DOCK5: variants seen among roughly 807,000 people sequenced by gnomAD.
DOCK5 encodes the protein dedicator of cytokinesis protein 5.
A neutral mutation model predicts 251.8 loss-of-function variants in DOCK5; 142 were observed. That is an observed-to-expected ratio of 0.56 (90% confidence interval 0.49 to 0.65). The LOEUF is 0.65. Among genes scored for constraint, DOCK5 ranks in the 30% least tolerant of loss-of-function variants. The pLI, the probability that DOCK5 is intolerant of heterozygous loss-of-function variation, is 0.00. For missense variants in DOCK5, 2,111 were observed against 2,312.3 expected, an observed-to-expected ratio of 0.91 and a Z score of 1.79; for synonymous variants, 842 against 835.5, an observed-to-expected ratio of 1.01 and a Z score of -0.13.
chr8:25,334,713 A>G, intron 21 of DOCK5, among the ~76,000 whole-genome samples: 1 of 137,810 alleles, frequency 7.3e-6, no homozygotes, highest in South Asian at 2.3e-4. Context: ...CTTAGTATCT[A>G]AAAAAAAAAA....
chr8:25,345,390 T>C, intron 25 of DOCK5, 85 bp from the exon 26 acceptor site: 1 of 1,561,404 alleles, frequency 6.4e-7, no homozygotes, highest in East Asian at 2.3e-5. Flanking sequence ...CTACTGGTAC[T>C]GGTCGAGGAA....
At chr8:25,308,399 C>G (rs1290014065) in intron 11 of DOCK5, among the ~76,000 whole-genome samples, 1 of 152,100 alleles carries the variant, frequency 6.6e-6, no homozygotes, top group South Asian at 2.1e-4. Context: ...AAGGGAGCCT[C>G]TTGCAGAGCT....
At chr8:25,315,952 A>G (rs1805238068) in intron 13 of DOCK5, among the ~76,000 whole-genome samples, 1 of 152,216 alleles carries the variant, frequency 6.6e-6, no homozygotes, top group Non-Finnish European at 1.5e-5. Context: ...GCAGTTTAAT[A>G]TAGTGCAGGT....
intron 1 of DOCK5, among the ~76,000 whole-genome samples, 186 bp from the exon 2 acceptor site, chr8:25,243,488 G>A (rs1803011830): frequency 6.6e-6 from 1 of 151,862 alleles, no homozygotes; most frequent in Non-Finnish European, 1.5e-5. Flanking sequence ...CTGCCACTAC[G>A]CCCAGCTGAT....
chr8:25,287,886 C>CTT lies in DOCK5; in HGVS notation c.322-4123_322-4122dup, dbSNP rs397892746. Among the ~76,000 whole-genome samples, 74 of 138,830 alleles carry CTT rather than the reference C, an allele frequency of 5.3e-4. 1 individual carries two copies. Among genetic ancestry groups the CTT allele is most frequent in the African/African-American group, 1.1e-3 (43 of 37,854 alleles). 91.1% of individuals were successfully genotyped at this position (138,830 alleles called of 152,430 possible). Reference sequence around the variant, plus strand: ...GCCTCAGAGGAGCTTAGCATATGCTCTTTTTTTTTTTTTTTTGAGATGGAG... The same window carrying CTT: ...GCCTCAGAGGAGCTTAGCATATGCTCTTTTTTTTTTTTTTTTTTGAGATGGAG... On this transcript the variant is annotated intron_variant, in intron 5 of 51. Transcript: ENST00000276440.
chr8:25,332,442 A>C (rs2117218010), intron 19 of DOCK5, 94 bp downstream of exon 19: 1 of 1,221,914 alleles, frequency 8.2e-7, no homozygotes, highest in South Asian at 1.5e-5. Context: ...AAATTAAATC[A>C]TTCATTGTAA....
chr8:25,310,971 CCTTT>C (rs781398236), intron 13 of DOCK5, among the ~76,000 whole-genome samples: 14 of 152,194 alleles, frequency 9.2e-5, no homozygotes, highest in African/African-American at 2.6e-4. Context: ...TTTGTGTGTC[CCTTT>C]CTTGTTATGA....
At chr8:25,314,105 C>A (rs915335911) in intron 13 of DOCK5, among the ~76,000 whole-genome samples, 1 of 88,228 alleles carries the variant, frequency 1.1e-5, no homozygotes, top group Non-Finnish European at 2.3e-5. Flanking sequence ...TCAGGACTCC[C>A]CTCTTTTTTT....
At chr8:25,323,761 C>A (rs1208282546) in intron 16 of DOCK5, 87 bp from the exon 17 acceptor site, 9 of 1,431,516 alleles carry the variant, frequency 6.3e-6, no homozygotes, top group South Asian at 1.2e-5. Flanking sequence ...GAACGCTGCA[C>A]CCCCGAGCAA....
intron 3 of DOCK5, among the ~76,000 whole-genome samples, chr8:25,269,916 A>G (rs1803862363): frequency 6.6e-6 from 1 of 152,250 alleles, no homozygotes; most frequent in South Asian, 2.1e-4. Context: ...TCCTGCACAG[A>G]TAGGCTGATG....
intron 34 of DOCK5, 39 bp from the exon 35 acceptor site, chr8:25,372,520 A>G (rs201101416): frequency 3.2e-6 from 5 of 1,539,626 alleles, no homozygotes; most frequent in Admixed American, 2.2e-5. Flanking sequence ...GAATGATAGC[A>G]TGGAACCTGG....
At chr8:25,334,324 T>C (rs937168037) in intron 21 of DOCK5, 128 bp downstream of exon 21, 5 of 737,300 alleles carry the variant, frequency 6.8e-6, no homozygotes, top group African/African-American at 5.3e-5. Flanking sequence ...AGAACTCTTA[T>C]TCTAAGCTTC....
In DOCK5 at chr8:25,411,299, G is replaced by T. The variant is rs367558668; in HGVS notation, c.*1G>T. ...TACTTCCGAGCCTGGATCCCAGTAA[G>T]GATCTTGCCCTCCCTGCAACACCGA... On this transcript the variant is annotated 3_prime_UTR_variant, in exon 52 of 52. Transcript: ENST00000276440. 4.0e-6 allele frequency: 6 copies of T among 1,517,050 alleles called. No homozygotes were observed. The highest frequency in any genetic ancestry group is 5.3e-6 in the Non-Finnish European group (6 of 1,136,412). The allele number at this position is 1,517,050 out of a possible 1,614,324, so 94.0% of individuals were successfully genotyped here.
intron 44 of DOCK5, 28 bp from the exon 45 acceptor site, chr8:25,395,513 CCT>C (rs778918347): frequency 6.9e-6 from 11 of 1,588,172 alleles, no homozygotes; most frequent in Non-Finnish European, 9.4e-6. Context: ...TGACAAGTGT[CCT>C]CTTTCTCCCA....
intron 27 of DOCK5, among the ~76,000 whole-genome samples, 194 bp downstream of exon 27, chr8:25,352,020 G>A (rs1800478265): frequency 6.6e-6 from 1 of 151,892 alleles, no homozygotes. Context: ...TCCAGCCTAG[G>A]CAATATAGTG....
intron 5 of DOCK5, among the ~76,000 whole-genome samples, chr8:25,282,974 G>T (rs1280316820): frequency 1.3e-5 from 2 of 150,724 alleles, no homozygotes; most frequent in Admixed American, 1.3e-4. Context: ...GTACGTTGTG[G>T]ATCCACAGTC....
intron 28 of DOCK5, among the ~76,000 whole-genome samples, chr8:25,359,973 G>A (rs1378315812): frequency 1.3e-5 from 2 of 152,196 alleles, no homozygotes; most frequent in African/African-American, 4.8e-5. Context: ...CCCTTCAGAC[G>A]TCCATGAAGG....
intron 1 of DOCK5, among the ~76,000 whole-genome samples, chr8:25,198,138 T>C (rs1456686235): frequency 6.6e-6 from 1 of 152,188 alleles, no homozygotes; most frequent in East Asian, 1.9e-4. Flanking sequence ...TCAGCCAAGG[T>C]GCATTAGAAT....
chr8:25,214,290 T>A (rs1802173648), intron 1 of DOCK5, among the ~76,000 whole-genome samples: 1 of 152,136 alleles, frequency 6.6e-6, no homozygotes, highest in South Asian at 2.1e-4. Context: ...TCCTCTTTGA[T>A]CTTAACCTTG....
Sources: gnomAD v4.1 joint callset for allele counts (sites outside exome capture counted in the v4.1 genomes callset) on GRCh38, gnomAD v4.1.1 for gene constraint, MANE v1.5 for transcripts, NCBI Gene and HGNC (gene_info 2026-07-23, HGNC 2026-07-21) for gene names.